Variants in FGF13 observed in about 807,000 individuals in gnomAD.
FGF13 encodes fibroblast growth factor homologous factor 2.
FGF13 carries 2 observed loss-of-function variants against 19.5 expected under a neutral mutation model. The ratio of observed to expected loss-of-function variants is 0.10; its 90% CI spans 0.04 to 0.32. The LOEUF is 0.32. Ranked by LOEUF, FGF13 falls within the 10% of genes least tolerant of loss-of-function variation. The probability of loss-of-function intolerance (pLI) is 1.00; values close to 1 mark genes in which losing one functional copy is unlikely to be tolerated. For synonymous variants in FGF13, 72 were observed against 76.9 expected (o/e 0.94, Z 0.33); for missense variants, 113 against 192.7 (o/e 0.59, Z 2.45).
At chrX:138,904,163 C>T (rs780553190) in intron 1 of FGF13, among the ~76,000 whole-genome samples, 15 of 111,630 alleles carry the variant, frequency 1.3e-4, no homozygotes, top group Non-Finnish European at 2.4e-4. Context: ...ATGTTAAAGA[C>T]AATTTCAAGC....
chrX:139,152,119 T>C (rs1308701245), intron 1 of FGF13, among the ~76,000 whole-genome samples: 1 of 111,102 alleles, frequency 9.0e-6, no homozygotes, highest in Admixed American at 9.6e-5. Context: ...GGAGGGTGCC[T>C]CTGTGTACTA....
chrX:139,028,632 AGAGTGT>A (rs1401305649), intron 1 of FGF13, among the ~76,000 whole-genome samples: 3 of 45,136 alleles, frequency 6.6e-5, no homozygotes, highest in African/African-American at 2.4e-4. Flanking sequence ...AGAGAGAGAG[AGAGTGT>A]GTGTGTGTGT....
chrX:138,733,548 T>C, intron 1 of FGF13, among the ~76,000 whole-genome samples: 1 of 111,626 alleles, frequency 9.0e-6, no homozygotes, highest in African/African-American at 3.2e-5. Context: ...TGGCATTACA[T>C]GAACCAAAGA....
chrX:139,126,689 G>A (rs2083719293), intron 1 of FGF13, among the ~76,000 whole-genome samples: 2 of 111,864 alleles, frequency 1.8e-5, no homozygotes, highest in South Asian at 7.5e-4. Flanking sequence ...ACCTCTAGAG[G>A]GAGCTGTGCT....
chrX:138,721,808 AATAT>A (rs1012014460), intron 1 of FGF13, among the ~76,000 whole-genome samples: 9 of 110,234 alleles, frequency 8.2e-5, no homozygotes, highest in Non-Finnish European at 1.7e-4. Flanking sequence ...TTATATATAA[AATAT>A]ATATACACAC....
At chrX:138,897,959 G>A (rs1350464801) in intron 1 of FGF13, among the ~76,000 whole-genome samples, 1 of 111,284 alleles carries the variant, frequency 9.0e-6, no homozygotes, top group African/African-American at 3.3e-5. Flanking sequence ...TCATGGATCA[G>A]GGAACACCCT....
At chrX:138,998,621 A>G (rs928365186) in intron 1 of FGF13, among the ~76,000 whole-genome samples, 1 of 111,903 alleles carries the variant, frequency 8.9e-6, no homozygotes, top group African/African-American at 3.3e-5. Flanking sequence ...AATCAATGCA[A>G]TAAGAAGAGC....
chrX:138,673,476 G>A (rs1022912770), intron 3 of FGF13, among the ~76,000 whole-genome samples: 1 of 111,256 alleles, frequency 9.0e-6, no homozygotes, highest in Non-Finnish European at 1.9e-5. Flanking sequence ...GCACATGTGG[G>A]GGCAAGGGCA....
chrX:138,924,637 C>T (rs1040421418), intron 1 of FGF13, among the ~76,000 whole-genome samples: 8 of 111,375 alleles, frequency 7.2e-5, no homozygotes, highest in African/African-American at 2.0e-4. Context: ...TTATAGAGCA[C>T]CTATACTGTG....
intron 3 of FGF13, among the ~76,000 whole-genome samples, chrX:138,778,736 G>A (rs2090612246): frequency 8.9e-6 from 1 of 112,439 alleles, no homozygotes; most frequent in Admixed American, 9.3e-5. Context: ...AGCCAGGCTG[G>A]GGGAGGGGCG....
intron 1 of FGF13, among the ~76,000 whole-genome samples, chrX:139,067,672 T>C (rs1011925723): frequency 3.6e-5 from 4 of 112,054 alleles, no homozygotes; most frequent in African/African-American, 1.3e-4. Context: ...TGCTCATGGA[T>C]AGGAAGAATC....
At chrX:139,048,395 C>T (rs2124410373) in intron 1 of FGF13, among the ~76,000 whole-genome samples, 1 of 111,038 alleles carries the variant, frequency 9.0e-6, no homozygotes, top group African/African-American at 3.3e-5. Flanking sequence ...ACTTTTCCTT[C>T]ACTTTTCTTT....
rs1390783918 is a variant in FGF13 at position 138,627,829 on chromosome X, T to G, written c.*5021A>C. The G allele has an allele frequency of 5.4e-5, 6 of 111,012 alleles. No individual in the cohort carries two copies. The East Asian group carries it at 1.7e-3, about 31-fold the overall frequency. The allele number at this position is 111,012 out of a possible 1,213,427, so 9.1% of individuals were successfully genotyped here. A position where few individuals can be genotyped will look rare whatever the true frequency, so the allele number is the denominator to read the frequency against. ...TGCAACTGTTACAAACTTCTTCCAG[T>G]ATGCCCACATAGAAATTGGAAAATC... On this transcript the variant is annotated 3_prime_UTR_variant, in exon 5 of 5. Transcript: ENST00000315930.
chrX:138,781,108 T>G (rs1379899342), intron 3 of FGF13, among the ~76,000 whole-genome samples: 3 of 111,151 alleles, frequency 2.7e-5, no homozygotes, highest in African/African-American at 9.9e-5. Context: ...AAGATGTTCT[T>G]TGAAACCAAT....
chrX:138,871,509 A>G (rs2091357064), intron 1 of FGF13, among the ~76,000 whole-genome samples: 1 of 112,391 alleles, frequency 8.9e-6, no homozygotes, highest in Admixed American at 9.5e-5. Context: ...AAGCTGCTCC[A>G]AATTGCTGCT....
chrX:139,087,106 G>T (rs1490999787), intron 1 of FGF13, among the ~76,000 whole-genome samples: 1 of 112,037 alleles, frequency 8.9e-6, no homozygotes, highest in Non-Finnish European at 1.9e-5. Context: ...AGACCAGCCT[G>T]ACCAACATGG....
chrX:138,701,734 G>C (rs1431702166), intron 3 of FGF13, among the ~76,000 whole-genome samples: 2 of 112,100 alleles, frequency 1.8e-5, no homozygotes, highest in Non-Finnish European at 3.8e-5. Context: ...TGCAAAACAG[G>C]GTTATCATAT....
chrX:138,803,928 T>A (rs772472197), intron 3 of FGF13, among the ~76,000 whole-genome samples: 2 of 111,744 alleles, frequency 1.8e-5, no homozygotes, highest in African/African-American at 6.5e-5. Flanking sequence ...TTTGATTTGA[T>A]GCCAAATGCA....
At chrX:138,992,396 T>G (rs1212259176) in intron 1 of FGF13, among the ~76,000 whole-genome samples, 1 of 111,607 alleles carries the variant, frequency 9.0e-6, no homozygotes, top group Non-Finnish European at 1.9e-5. Context: ...TCATGTAAAT[T>G]GAAAAGTTGT....
Sources: gnomAD v4.1 joint callset for allele counts (sites outside exome capture counted in the v4.1 genomes callset) on GRCh38, gnomAD v4.1.1 for gene constraint, MANE v1.5 for transcripts, NCBI Gene and HGNC (gene_info 2026-07-23, HGNC 2026-07-21) for gene names.